Variants in SPTB observed in about 807,000 individuals in gnomAD.
SPTB encodes spectrin beta, erythrocytic, also known as spectrin beta chain, erythrocytic.
Under a neutral mutation model 256.2 loss-of-function variants are expected in SPTB, and 45 were observed. The observed-to-expected ratio is 0.18, with a 90% CI of 0.14 to 0.23. SPTB has a LOEUF of 0.23. Ranked by LOEUF, SPTB falls within the 10% of genes least tolerant of loss-of-function variation. The pLI, the probability that SPTB is intolerant of heterozygous loss-of-function variation, is 1.00. For synonymous variants in SPTB, 1,231 were observed against 1,243.1 expected (o/e 0.99, Z 0.21); for missense variants, 2,715 against 3,040.4 (o/e 0.89, Z 2.52).
At chr14:64,858,348 A>T (rs2083905465) in intron 1 of SPTB, among the ~76,000 whole-genome samples, 1 of 152,354 alleles carries the variant, frequency 6.6e-6, no homozygotes, top group Non-Finnish European at 1.5e-5. Flanking sequence ...TACTTGGGAA[A>T]GCAGTAGATT....
rs557868487 is a variant in SPTB, at chr14:64,796,622, G to A, written c.1276C>T (p.Arg426Cys). 8.1e-6 allele frequency: 13 copies of A among 1,614,182 alleles called. No homozygotes were observed. The highest frequency in any genetic ancestry group is 2.2e-5 in the South Asian group (2 of 91,090). Residue 426 changes from arginine (R) to cysteine (C), a missense_variant, in exon 11 of 36, where the codon CGC becomes TGC. Coordinates refer to ENST00000644917, the MANE Select transcript of SPTB (RefSeq NM_001355436.2). This position sits in a 1 kb window ranked among gnomAD's most constrained non-coding sequence, Gnocchi z 4.1. ...RQEKLEQLAR[R>C]FDRKAAMRET... ...CTCATTGCGGCCTTCCGGTCAAAGC[G>A]CCGGGCCAGTTGCTCTAGCTTCTCC...
intron 3 of SPTB, 94 bp downstream of exon 3, chr14:64,804,845 G>A (rs2082952176): frequency 6.6e-7 from 1 of 1,523,522 alleles, no homozygotes; most frequent in African/African-American, 1.4e-5. Context: ...GAGAAAACTG[G>A]GAAGGCCAGG....
rs1037734546 is a variant in SPTB at position 64,764,665 on chromosome 14, G to A, written c.6345+2061C>T. ...GATGACACAGACAGTGGATGGAGTC[G>A]CTCTGGTGCTCACAGAGGAGCCCGC... On this transcript the variant is annotated intron_variant, in intron 32 of 35. Coordinates refer to ENST00000644917, the MANE Select transcript of SPTB (RefSeq NM_001355436.2). This position sits in a 1 kb window ranked among gnomAD's most constrained non-coding sequence, Gnocchi z 4.2. Among the ~76,000 whole-genome samples the A allele has an allele frequency of 3.3e-5, 5 of 152,158 alleles. No homozygotes were observed. The East Asian group carries it at 5.8e-4, about 18-fold the overall frequency.
chr14:64,833,412 A>G (rs2083477459), intron 1 of SPTB, among the ~76,000 whole-genome samples: 1 of 152,060 alleles, frequency 6.6e-6, no homozygotes, highest in South Asian at 2.1e-4. Flanking sequence ...TTAGCTGGGC[A>G]TGGTGGCGCA....
At chr14:64,752,289 C>G in intron 33 of SPTB, 1 of 1,311,208 alleles carries the variant, frequency 7.6e-7, no homozygotes, top group Non-Finnish European at 1.0e-6. Context: ...TTCTGTCTCC[C>G]TCCTCTCCTC....
In SPTB at chr14:64,825,175, G is replaced by A. The variant is rs1261791167; in HGVS notation, c.-51-2030C>T. 2.0e-5 allele frequency among the ~76,000 whole-genome samples: 3 copies of A among 152,142 alleles called. No individual in the cohort carries two copies. The highest frequency in any genetic ancestry group is 4.4e-5 in the Non-Finnish European group (3 of 68,032). On this transcript the variant is annotated intron_variant, in intron 1 of 35. Coordinates refer to ENST00000644917, the MANE Select transcript of SPTB (RefSeq NM_001355436.2). This position sits in a 1 kb window ranked among gnomAD's most constrained non-coding sequence, Gnocchi z 4.8. ...CCCCTCAATCAGAAGGGTTTCAGGAGGGCAGGTGGGGAAAGGACATGGTGC... is the reference window on the plus strand; with the variant it reads ...CCCCTCAATCAGAAGGGTTTCAGGAAGGCAGGTGGGGAAAGGACATGGTGC...
In SPTB at chr14:64,772,691, G is replaced by A. The variant is rs138924223; in HGVS notation, c.5442C>T (p.Asp1814=). Residue 1814 remains aspartate, a synonymous_variant, in exon 26 of 36, where the codon GAC becomes GAT. Transcript: ENST00000644917. This position sits in a 1 kb window ranked among gnomAD's most constrained non-coding sequence, Gnocchi z 5.4. ...YTGAEILGLI[D]EKHRELPEDV... ...CCTCGGGCAGCTCGCGGTGCTTCTCGTCGATGAGGCCCAGGATCTCGGCAC... is the reference window on the plus strand; with the variant it reads ...CCTCGGGCAGCTCGCGGTGCTTCTCATCGATGAGGCCCAGGATCTCGGCAC... The A allele has an allele frequency of 2.7e-5, 43 of 1,613,788 alleles. No individual in the cohort carries two copies. Among genetic ancestry groups the A allele is most frequent in the African/African-American group, 2.0e-4 (15 of 75,042 alleles).
At chr14:64,856,548 A>ATTTC (rs10675027) in intron 1 of SPTB, among the ~76,000 whole-genome samples, 142,615 of 152,082 alleles carry the variant, frequency 0.94, 67,487 homozygotes, top group Non-Finnish European at 0.98. Flanking sequence ...TGGGCAAGTC[A>ATTTC]TCTTCCTCAC....
At chr14:64,861,120 G>A (rs1323875894) in intron 1 of SPTB, among the ~76,000 whole-genome samples, 2 of 152,070 alleles carry the variant, frequency 1.3e-5, no homozygotes, top group Non-Finnish European at 2.9e-5. Context: ...AACACCGCAT[G>A]TTCTCACTCA....
At chr14:64,809,624 G>A (rs1484396735) in intron 2 of SPTB, among the ~76,000 whole-genome samples, 1 of 152,110 alleles carries the variant, frequency 6.6e-6, no homozygotes, top group Non-Finnish European at 1.5e-5. Flanking sequence ...GGATTACAGG[G>A]GAAAGCAGGT....
chr14:64,786,293 G>T lies in SPTB; in HGVS notation c.3561+111C>A. On this transcript the variant is annotated intron_variant, in intron 16 of 35. Coordinates refer to ENST00000644917, the MANE Select transcript of SPTB (RefSeq NM_001355436.2). The surrounding 1 kb of genome is among the most constrained non-coding windows in gnomAD (Gnocchi z 5.6). ...GATTTCCCCCATGAGTGAATACAGA[G>T]TACAAGACAAGAGTAATGTGGTCCC... The T allele has an allele frequency of 7.0e-7, 1 of 1,422,986 alleles. No homozygotes were observed. The highest frequency in any genetic ancestry group is 1.2e-5 in the South Asian group (1 of 86,632). The allele number at this position is 1,422,986 out of a possible 1,614,324, so 88.1% of individuals were successfully genotyped here.
rs1260033252 is a variant in SPTB, at chr14:64,779,086, G to C, written c.4563+71C>G. On this transcript the variant is annotated intron_variant, in intron 22 of 35. Coordinates refer to ENST00000644917, the MANE Select transcript of SPTB (RefSeq NM_001355436.2). The surrounding 1 kb of genome is among the most constrained non-coding windows in gnomAD (Gnocchi z 4.2). ...GCTAGCCTTCTGCAGGTCAGGGCTG[G>C]GCCTACCCCCGTGGGGCCAGGTGGG... is the stretch of plus-strand genomic sequence containing the variant. The C allele has an allele frequency of 7.9e-7, 1 of 1,266,026 alleles. No individual in the cohort carries two copies. The highest frequency in any genetic ancestry group is 1.1e-6 in the Non-Finnish European group (1 of 881,934). The allele number at this position is 1,266,026 out of a possible 1,614,324, so 78.4% of individuals were successfully genotyped here.
Position 64,873,392 on chromosome 14 carries a change from T to C in SPTB, c.-52+6400A>G, listed in dbSNP as rs1882653431. 6.6e-6 allele frequency among the ~76,000 whole-genome samples: 1 copy of C among 152,140 alleles called. No homozygotes were observed. The highest frequency in any genetic ancestry group is 2.4e-5 in the African/African-American group (1 of 41,418). On this transcript the variant is annotated intron_variant, in intron 1 of 35. Coordinates refer to ENST00000644917, the MANE Select transcript of SPTB (RefSeq NM_001355436.2). The surrounding 1 kb of genome is among the most constrained non-coding windows in gnomAD (Gnocchi z 4.3). ...TACAAATCAAGGCCCTCAAGATCAC[T>C]GGACAAAAAGAGGCTGCTGAAGTCC...
rs2081894898 is a variant in SPTB, at chr14:64,748,973, T to G, written c.*333A>C. The G allele has an allele frequency of 4.7e-6, 1 of 214,556 alleles. No individual in the cohort carries two copies. Among genetic ancestry groups the G allele is most frequent in the Non-Finnish European group, 9.1e-6 (1 of 110,396 alleles). The allele number at this position is 214,556 out of a possible 1,614,324, so 13.3% of individuals were successfully genotyped here. Reference sequence around the variant, plus strand: ...TTTTTTTGGTTGGGGGTAAGGGGCCTGTGCCCCCTCGGCTCAGGAGGAGGG... The same window carrying G: ...TTTTTTTGGTTGGGGGTAAGGGGCCGGTGCCCCCTCGGCTCAGGAGGAGGG... On this transcript the variant is annotated 3_prime_UTR_variant, in exon 36 of 36. Transcript: ENST00000644917.
intron 32 of SPTB, chr14:64,754,172 C>T (rs913029721): frequency 5.3e-6 from 2 of 374,136 alleles, no homozygotes; most frequent in Non-Finnish European, 5.1e-6. Flanking sequence ...TGGCCCCTCC[C>T]CTTGCTGCAG....
chr14:64,795,748 C>T lies in SPTB; in HGVS notation c.1342-109G>A, dbSNP rs1339165129. 3.1e-5 allele frequency: 36 copies of T among 1,171,484 alleles called. No individual in the cohort carries two copies. Among genetic ancestry groups the T allele is most frequent in the Non-Finnish European group, 4.2e-5 (34 of 802,084 alleles). The allele number at this position is 1,171,484 out of a possible 1,614,324, so 72.6% of individuals were successfully genotyped here. On this transcript the variant is annotated intron_variant, in intron 11 of 35. Transcript: ENST00000644917. This position sits in a 1 kb window ranked among gnomAD's most constrained non-coding sequence, Gnocchi z 6.5. ...AGAACCAGTGCTAGATGGGAAAGCA[C>T]ATTCCCAAGAAGCAGCTAGTTCTGC...
chr14:64,779,906 C>T lies in SPTB; in HGVS notation c.4292G>A (p.Arg1431Gln), dbSNP rs943876155. 1.1e-5 allele frequency: 17 copies of T among 1,613,764 alleles called. No individual in the cohort carries two copies. The highest frequency in any genetic ancestry group is 4.5e-5 in the East Asian group (2 of 44,898). Residue 1431 changes from arginine (R) to glutamine (Q), a missense_variant, in exon 21 of 36, where the codon CGA becomes CAA. Physicochemically the swap from Arg to Gln is conservative, Grantham distance 43 (BLOSUM62 1). Coordinates refer to ENST00000644917, the MANE Select transcript of SPTB (RefSeq NM_001355436.2). This position sits in a 1 kb window ranked among gnomAD's most constrained non-coding sequence, Gnocchi z 4.2. ...LKRVEDQVNV[R>Q]KEELGELFAQ... is the part of the protein sequence containing the mutation. Reference sequence around the variant, plus strand: ...AAACAGCTCCCCCAGCTCCTCTTTTCGCACATTCACTTGGTCCTCCACTCG... The same window carrying T: ...AAACAGCTCCCCCAGCTCCTCTTTTTGCACATTCACTTGGTCCTCCACTCG...
At chr14:64,812,572 C>T (rs991552520) in intron 2 of SPTB, among the ~76,000 whole-genome samples, 1 of 152,012 alleles carries the variant, frequency 6.6e-6, no homozygotes, top group East Asian at 1.9e-4. Flanking sequence ...AGGGTCACGG[C>T]GCAGTCTCTT....
intron 20 of SPTB, among the ~76,000 whole-genome samples, chr14:64,780,363 G>A (rs1029253950): frequency 1.3e-5 from 2 of 152,202 alleles, no homozygotes; most frequent in South Asian, 4.1e-4. Context: ...CAGATTCAAT[G>A]CTATTCCTAT....
Sources: allele counts gnomAD v4.1 joint callset (sites outside exome capture counted in the v4.1 genomes callset), GRCh38; gene constraint gnomAD v4.1.1; non-coding constraint Gnocchi (gnomAD v3.1); transcripts MANE v1.5; gene names NCBI Gene and HGNC (gene_info 2026-07-23, HGNC 2026-07-21).